Variants in MYH11 observed in about 807,000 individuals in gnomAD.
MYH11 encodes myosin-11.
MYH11 carries 80 observed loss-of-function variants against 246.6 expected under a neutral mutation model. That is an observed-to-expected ratio of 0.32 (90% confidence interval 0.27 to 0.39). The LOEUF is 0.39. Among genes scored for constraint, MYH11 ranks in the 10% least tolerant of loss-of-function variants. The pLI, the probability that MYH11 is intolerant of heterozygous loss-of-function variation, is 1.00. For missense variants in MYH11, 2,158 were observed against 2,546.8 expected, an observed-to-expected ratio of 0.85 and a Z score of 3.29; for synonymous variants, 1,071 against 1,015.5, an observed-to-expected ratio of 1.05 and a Z score of -1.04.
At position 15,703,374 on chromosome 16, in the gene MYH11, T is replaced by TG; in HGVS notation, c.*616dup. On this transcript the variant is annotated 3_prime_UTR_variant, in exon 41 of 41. Coordinates refer to ENST00000300036, the MANE Select transcript of MYH11 (RefSeq NM_002474.3). ...TGCAGGTTAGGGAATGAATTGGGAG[T>TG]GGGGGCCGGCGGCACCCATTTCGGT... 4.2e-6 allele frequency: 1 copy of TG among 236,908 alleles called. No homozygotes were observed. The highest frequency in any genetic ancestry group is 8.4e-6 in the Non-Finnish European group (1 of 119,620). The allele number at this position is 236,908 out of a possible 1,614,324, so 14.7% of individuals were successfully genotyped here. A position where few individuals can be genotyped will look rare whatever the true frequency, so the allele number is the denominator to read the frequency against.
intron 3 of MYH11, among the ~76,000 whole-genome samples, chr16:15,802,133 G>C (rs1013592318): frequency 6.6e-6 from 1 of 152,134 alleles, no homozygotes; most frequent in Non-Finnish European, 1.5e-5. Flanking sequence ...AAAAGAGTCG[G>C]TATTGTTCTT....
intron 27 of MYH11, among the ~76,000 whole-genome samples, chr16:15,730,369 TAA>T (rs746923275): frequency 0.2 from 18,964 of 96,918 alleles, 3,270 homozygotes; most frequent in African/African-American, 0.48. Flanking sequence ...CCATCTCTAC[TAA>T]AAAAAAAAAA....
At chr16:15,839,918 G>A (rs1171560081) in intron 1 of MYH11, among the ~76,000 whole-genome samples, 17 of 152,042 alleles carry the variant, frequency 1.1e-4, no homozygotes, top group Admixed American at 1.1e-3. Flanking sequence ...GGGCATGGTG[G>A]TGCACACCTG....
intron 4 of MYH11, among the ~76,000 whole-genome samples, chr16:15,797,518 T>C (rs1034610771): frequency 8.0e-5 from 12 of 149,546 alleles, no homozygotes; most frequent in African/African-American, 2.9e-4. Context: ...ATTATAGCTT[T>C]AGTTGCTTCC....
intron 2 of MYH11, among the ~76,000 whole-genome samples, chr16:15,826,996 CAAAAAAAAAAAAAAAA>C (rs10573425): frequency 1.7e-5 from 1 of 57,982 alleles, no homozygotes; most frequent in Non-Finnish European, 3.7e-5. Context: ...GAACCCATCT[CAAAAAAAAAAAAAAAA>C]AAAAAAAAAA....
At chr16:15,842,713 G>C (rs1016942027) in intron 1 of MYH11, among the ~76,000 whole-genome samples, 1 of 135,788 alleles carries the variant, frequency 7.4e-6, no homozygotes, top group Non-Finnish European at 1.5e-5. Context: ...GCAGTGAGCT[G>C]AGATGGTGCC....
intron 3 of MYH11, among the ~76,000 whole-genome samples, chr16:15,821,552 C>CTTTTTCTTTCTT (rs2043410894): frequency 1.3e-5 from 2 of 152,058 alleles, no homozygotes; most frequent in Non-Finnish European, 2.9e-5. Context: ...CCTCCTTCTC[C>CTTTTTCTTTCTT]TTTGCTAACA....
rs141407532 is a variant in MYH11 at position 15,710,391 on chromosome 16, C to T, written c.5786+4518G>A. On this transcript the variant is annotated intron_variant, in intron 40 of 40. Coordinates refer to ENST00000300036, the MANE Select transcript of MYH11 (RefSeq NM_002474.3). Reference sequence around the variant, plus strand: ...CAAAAATTAGCCAGGTGTGGTGGCACGCACCTGTAATCTCAGCTACTTGGG... The same window carrying T: ...CAAAAATTAGCCAGGTGTGGTGGCATGCACCTGTAATCTCAGCTACTTGGG... Among the ~76,000 whole-genome samples the T allele has an allele frequency of 1.3e-3, 194 of 152,190 alleles. No homozygotes were observed. In the East Asian group the frequency reaches 0.013, roughly 10 times the overall value.
chr16:15,826,829 CAAAAATACA>C (rs895556272), intron 2 of MYH11, among the ~76,000 whole-genome samples: 1 of 150,216 alleles, frequency 6.7e-6, no homozygotes, highest in African/African-American at 2.5e-5. Context: ...CTGTTTCTAC[CAAAAATACA>C]AAAAATTAGC....
intron 32 of MYH11, 73 bp downstream of exon 32, chr16:15,721,349 G>A (rs777552699): frequency 8.0e-6 from 12 of 1,505,594 alleles, no homozygotes; most frequent in South Asian, 3.4e-5. Flanking sequence ...AGCTAGCCTC[G>A]CATGGACTGG....
chr16:15,786,784 G>A (rs565926945), intron 4 of MYH11, 52 bp from the exon 5 acceptor site: 179 of 1,474,020 alleles, frequency 1.2e-4, no homozygotes, highest in South Asian at 2.6e-4. Flanking sequence ...TGACCTTTCC[G>A]CAGTTCCATG....
At chr16:15,841,219 A>G (rs1312965132) in intron 1 of MYH11, among the ~76,000 whole-genome samples, 1 of 152,150 alleles carries the variant, frequency 6.6e-6, no homozygotes, top group Non-Finnish European at 1.5e-5. Context: ...GCTCACTGCA[A>G]CCTCTGCCTC....
chr16:15,798,608 T>TAAAAAA lies in MYH11; in HGVS notation c.530+46_530+51dup, dbSNP rs374559754. 314 of 1,036,966 alleles carry TAAAAAA rather than the reference T, an allele frequency of 3.0e-4. 6 individuals carry two copies. In the African/African-American group the frequency reaches 4.9e-3, roughly 16 times the overall value. 64.2% of individuals were successfully genotyped at this position (1,036,966 alleles called of 1,614,324 possible). On this transcript the variant is annotated intron_variant, in intron 4 of 40. Coordinates refer to ENST00000300036, the MANE Select transcript of MYH11 (RefSeq NM_002474.3). The stretch of plus-strand genomic sequence containing the variant: ...CATAGGTTGGATCTCGACTACAGAT[T>TAAAAAA]AAAAAAAAAAAAAAACAAAAAAAAA...
At chr16:15,753,930 G>C (rs969661782) in intron 14 of MYH11, among the ~76,000 whole-genome samples, 2 of 151,996 alleles carry the variant, frequency 1.3e-5, no homozygotes, top group South Asian at 2.1e-4. Flanking sequence ...TGGCAGCCAA[G>C]CGTGGTGGTT....
Position 15,738,684 on chromosome 16 carries a change from C to T in MYH11, c.3002G>A (p.Arg1001Gln), listed in dbSNP as rs376622843. The T allele has an allele frequency of 4.3e-6, 7 of 1,613,606 alleles. No homozygotes were observed. The highest frequency in any genetic ancestry group is 1.7e-5 in the Admixed American group (1 of 59,956). The change falls in exon 24 of 41, where the codon CGA becomes CAA. Residue 1001 changes from arginine to glutamine, a missense_variant. Physicochemically the swap from Arg to Gln is conservative, Grantham distance 43. Around this residue, in one of 11 missense-constraint regions of MYH11, gnomAD observed 284 missense variants for 315.4 expected, o/e 0.90. Transcript: ENST00000300036. ...ACTAATCCTCTCCTCAAGGAGTTTT[C>T]GTTCCTTTTTGGGGAAAGAGAAAGA... Reference protein sequence around the residue: ...DDQNNKLSKERKLLEERISDL... With the variant: ...DDQNNKLSKEQKLLEERISDL...
intron 3 of MYH11, among the ~76,000 whole-genome samples, chr16:15,818,274 G>C (rs2043311476): frequency 6.6e-6 from 1 of 151,590 alleles, no homozygotes; most frequent in Middle Eastern, 3.4e-3. Flanking sequence ...AACAGAATGA[G>C]ATCGTGCCAT....
chr16:15,808,852 C>T (rs552682177), intron 3 of MYH11, among the ~76,000 whole-genome samples: 1 of 152,188 alleles, frequency 6.6e-6, no homozygotes, highest in East Asian at 1.9e-4. Context: ...ATTATTGTGC[C>T]ACTGCGCTCT....
rs559446300 is a variant in MYH11 at position 15,853,071 on chromosome 16, C to T, written c.-18+3870G>A. 2.1e-4 allele frequency among the ~76,000 whole-genome samples: 32 copies of T among 152,298 alleles called. 1 individual carries two copies. In the Middle Eastern group the frequency reaches 0.01, roughly 49 times the overall value. ...ACAAGTCTCAGCTCTGCCCAAAACT[C>T]GCTGGGTGATGCTAGGCAAGTCACT... On this transcript the variant is annotated intron_variant, in intron 1 of 40. Coordinates refer to ENST00000300036, the MANE Select transcript of MYH11 (RefSeq NM_002474.3).
intron 3 of MYH11, among the ~76,000 whole-genome samples, chr16:15,819,730 C>T (rs943980422): frequency 1.2e-4 from 18 of 152,078 alleles, no homozygotes; most frequent in African/African-American, 3.4e-4. Flanking sequence ...AAATGTAATG[C>T]GCTCGAATCA....
Sources: allele counts gnomAD v4.1 joint callset (sites outside exome capture counted in the v4.1 genomes callset), GRCh38; gene constraint gnomAD v4.1.1; regional missense constraint gnomAD v4.1.1; transcripts MANE v1.5; gene names NCBI Gene and HGNC (gene_info 2026-07-23, HGNC 2026-07-21).